The following PRELID2 variants were observed in gnomAD, a reference collection of about 807,000 sequenced individuals.
PRELID2 encodes PRELI domain containing 2.
Under a neutral mutation model 28.4 loss-of-function variants are expected in PRELID2, and 25 were observed. The observed-to-expected ratio is 0.88, with a 90% CI of 0.64 to 1.23. PRELID2 has a LOEUF of 1.23. PRELID2 is among the 50% of genes most tolerant of loss of function. The pLI, the probability that PRELID2 is intolerant of heterozygous loss-of-function variation, is 0.00. For missense variants in PRELID2, 201 were observed against 214.4 expected (o/e 0.94, Z 0.39); for synonymous variants, 76 against 71.6 (o/e 1.06, Z -0.31).
the PRELID2 span, among the ~76,000 whole-genome samples, chr5:145,415,362 A>G: frequency 6.6e-6 from 1 of 151,624 alleles, no homozygotes; most frequent in African/African-American, 2.4e-5. Flanking sequence ...TACATGTGCC[A>G]TGCTGGTGTG....
intron 1 of PRELID2, among the ~76,000 whole-genome samples, chr5:145,674,401 G>A (rs1218793378): frequency 6.6e-6 from 1 of 151,360 alleles, no homozygotes; most frequent in Non-Finnish European, 1.5e-5. Flanking sequence ...AGAGACAGAA[G>A]GACAAATGGA....
At chr5:145,351,434 C>G in the PRELID2 span, among the ~76,000 whole-genome samples, 1 of 152,068 alleles carries the variant, frequency 6.6e-6, no homozygotes, top group Admixed American at 6.6e-5. Flanking sequence ...TCAGATCTTG[C>G]GAGAACTCAC....
At chr5:145,372,880 TATG>T in the PRELID2 span, among the ~76,000 whole-genome samples, 1 of 97,014 alleles carries the variant, frequency 1.0e-5, no homozygotes, top group Non-Finnish European at 2.0e-5. Flanking sequence ...ATATAATATA[TATG>T]ATATTATATA....
At position 145,758,255 on chromosome 5, in the gene PRELID2, G is replaced by A. The variant is rs977247007; in HGVS notation, c.*2281C>T. Among the ~76,000 whole-genome samples the A allele has an allele frequency of 9.2e-5, 14 of 151,782 alleles. No homozygotes were observed. Among genetic ancestry groups the A allele is most frequent in the East Asian group, 1.9e-4 (1 of 5,192 alleles). On this transcript the variant is annotated 3_prime_UTR_variant, in exon 7 of 7. Coordinates refer to ENST00000683046, the MANE Select transcript of PRELID2 (RefSeq NM_205846.3). ...GACACAACCGCACTGTGCTGGAACC[G>A]GGCACACAAGGCAGAAATTCAACCT...
chr5:145,678,358 C>T (rs999674409), intron 1 of PRELID2, among the ~76,000 whole-genome samples: 1 of 152,186 alleles, frequency 6.6e-6, no homozygotes, highest in African/African-American at 2.4e-5. Flanking sequence ...TACAAACATC[C>T]AAAGAAATGC....
At chr5:145,530,774 G>A (rs1209318126) in intron 1 of PRELID2, among the ~76,000 whole-genome samples, 2 of 152,040 alleles carry the variant, frequency 1.3e-5, no homozygotes, top group Non-Finnish European at 2.9e-5. Context: ...AAATTGAGTG[G>A]AAGCTAGTCG....
the PRELID2 span, among the ~76,000 whole-genome samples, chr5:145,340,520 C>T: frequency 6.6e-6 from 1 of 152,054 alleles, no homozygotes; most frequent in Non-Finnish European, 1.5e-5. Context: ...GTAATCCCAG[C>T]ACTTTGGGAG....
At chr5:145,660,878 C>T (rs1230260761) in intron 1 of PRELID2, among the ~76,000 whole-genome samples, 1 of 152,152 alleles carries the variant, frequency 6.6e-6, no homozygotes, top group African/African-American at 2.4e-5. Flanking sequence ...TAATATATTA[C>T]CGCTTGAAGT....
the PRELID2 span, among the ~76,000 whole-genome samples, chr5:145,348,892 T>C: frequency 2.0e-5 from 3 of 152,140 alleles, no homozygotes; most frequent in Non-Finnish European, 4.4e-5. Flanking sequence ...AGATAAAATT[T>C]CTTGAGTTCT....
At chr5:145,406,859 G>T in the PRELID2 span, among the ~76,000 whole-genome samples, 1 of 152,118 alleles carries the variant, frequency 6.6e-6, no homozygotes, top group South Asian at 2.1e-4. Flanking sequence ...AGCTGAAATG[G>T]GTTTAGGGAG....
chr5:145,372,962 A>T, the PRELID2 span, among the ~76,000 whole-genome samples: 2 of 48,680 alleles, frequency 4.1e-5, no homozygotes, highest in African/African-American at 1.3e-4. Flanking sequence ...ATTATATATT[A>T]CAACATATAT....
At chr5:145,460,168 T>C in the PRELID2 span, among the ~76,000 whole-genome samples, 1 of 152,192 alleles carries the variant, frequency 6.6e-6, no homozygotes, top group Non-Finnish European at 1.5e-5. Context: ...CATTAACTAG[T>C]GAGACTGCTA....
intron 1 of PRELID2, among the ~76,000 whole-genome samples, chr5:145,826,538 G>A (rs879630970): frequency 5.3e-5 from 8 of 152,140 alleles, no homozygotes; most frequent in Admixed American, 1.3e-4. Flanking sequence ...TTCACAGAAC[G>A]TGTAAACTAA....
the PRELID2 span, among the ~76,000 whole-genome samples, chr5:145,466,138 A>G: frequency 7.2e-5 from 11 of 152,132 alleles, no homozygotes; most frequent in African/African-American, 2.7e-4. Context: ...TGGAAGCTGA[A>G]CAGTTTAACA....
At chr5:145,498,193 A>T (rs982798464) in intron 1 of PRELID2, among the ~76,000 whole-genome samples, 8 of 152,118 alleles carry the variant, frequency 5.3e-5, no homozygotes, top group Non-Finnish European at 8.8e-5. Context: ...GGTAAAAAAA[A>T]ACTAAATTAG....
At chr5:145,458,400 T>C in the PRELID2 span, among the ~76,000 whole-genome samples, 1 of 152,192 alleles carries the variant, frequency 6.6e-6, no homozygotes, top group Non-Finnish European at 1.5e-5. Context: ...AAGAAGCATA[T>C]AAATAGCTTA....
chr5:145,342,138 A>C, the PRELID2 span, among the ~76,000 whole-genome samples: 1 of 152,236 alleles, frequency 6.6e-6, no homozygotes, highest in African/African-American at 2.4e-5. Context: ...CTACCAGCGA[A>C]GAATACTACA....
chr5:145,680,537 G>A (rs1398276334), intron 1 of PRELID2, among the ~76,000 whole-genome samples: 2 of 152,160 alleles, frequency 1.3e-5, no homozygotes, highest in African/African-American at 4.8e-5. Flanking sequence ...TGGGGGCTAT[G>A]GAAAGCCATA....
chr5:145,301,525 G>A, the PRELID2 span, among the ~76,000 whole-genome samples: 3 of 152,008 alleles, frequency 2.0e-5, no homozygotes, highest in Non-Finnish European at 4.4e-5. Flanking sequence ...AATTTATCAG[G>A]TTTTTATTCT....
Sources: gnomAD v4.1 joint callset for allele counts (sites outside exome capture counted in the v4.1 genomes callset) on GRCh38, gnomAD v4.1.1 for gene constraint, MANE v1.5 for transcripts, NCBI Gene and HGNC (gene_info 2026-07-23, HGNC 2026-07-21) for gene names.